The following ALG9 variants were observed in gnomAD, a reference collection of about 807,000 sequenced individuals.
The protein encoded by ALG9 is ALG9 alpha-1,2-mannosyltransferase.
A neutral mutation model predicts 81.8 loss-of-function variants in ALG9; 55 were observed. That is an observed-to-expected ratio of 0.67 (90% CI 0.54 to 0.84). ALG9 has a LOEUF of 0.84. ALG9 is among the 40% of genes least tolerant of loss of function. The pLI, the probability that ALG9 is intolerant of heterozygous loss-of-function variation, is 0.00. For missense variants in ALG9, 629 were observed against 745.0 expected (o/e 0.84, Z 1.81); for synonymous variants, 278 against 274.3 (o/e 1.01, Z -0.13).
At chr11:111,773,829 G>A in the ALG9 span, among the ~76,000 whole-genome samples, 4 of 147,244 alleles carry the variant, frequency 2.7e-5, no homozygotes, top group Non-Finnish European at 5.9e-5. Flanking sequence ...ATCACGGCTC[G>A]CTGCAGCCTC....
At chr11:111,863,848 T>C (rs1961273307) in intron 4 of ALG9, among the ~76,000 whole-genome samples, 1 of 152,218 alleles carries the variant, frequency 6.6e-6, no homozygotes, top group South Asian at 2.1e-4. Flanking sequence ...TCCTGTATCT[T>C]AGGACCGAAA....
At chr11:111,824,555 T>TA (rs556909311) in intron 13 of ALG9, among the ~76,000 whole-genome samples, 24 of 152,222 alleles carry the variant, frequency 1.6e-4, no homozygotes, top group Non-Finnish European at 3.2e-4. Context: ...ATAAAGCCAT[T>TA]ATACCAAAGC....
At chr11:111,798,165 T>C (rs535465578) in intron 14 of ALG9, 84 of 282,006 alleles carry the variant, frequency 3.0e-4, no homozygotes, top group South Asian at 2.5e-3. Context: ...ATTGTGTCAC[T>C]GCACTCTAGC....
At chr11:111,834,842 C>T (rs554523052) in intron 13 of ALG9, among the ~76,000 whole-genome samples, 1 of 152,274 alleles carries the variant, frequency 6.6e-6, no homozygotes, top group South Asian at 2.1e-4. Flanking sequence ...GTCTACCCTG[C>T]CCAAGGGTAT....
the ALG9 span, chr11:111,771,374 G>GTC: frequency 6.6e-6 from 1 of 152,470 alleles, no homozygotes; most frequent in Non-Finnish European, 1.5e-5. Context: ...AGATGTTGTG[G>GTC]TGAGCCGAGA....
chr11:111,838,259 T>C lies in ALG9; in HGVS notation c.1314A>G (p.Ala438=), dbSNP rs201611208. Residue 438 remains alanine (A), a synonymous_variant, in exon 11 of 15, where the codon GCA becomes GCG. Transcript: ENST00000616540. ...TCTTAGAAGATCTACCTCTGAACAG[T>C]GCCACAGAGCGAGAAAATGACAAGA... is the stretch of plus-strand genomic sequence containing the variant. ...FGLLSFSRSV[A]LFRGYHGPLD... is the part of the protein sequence containing the mutation. The C allele has an allele frequency of 1.8e-4, 298 of 1,614,052 alleles. No homozygotes were observed. The highest frequency in any genetic ancestry group is 2.3e-4 in the Non-Finnish European group (271 of 1,180,022).
chr11:111,869,171 T>A (rs1441181661), intron 2 of ALG9, among the ~76,000 whole-genome samples: 6 of 152,228 alleles, frequency 3.9e-5, no homozygotes, highest in African/African-American at 1.2e-4. Context: ...ATTATAAATT[T>A]TACAAGATTG....
At chr11:111,863,187 T>C (rs1960957601) in intron 4 of ALG9, among the ~76,000 whole-genome samples, 1 of 151,886 alleles carries the variant, frequency 6.6e-6, no homozygotes, top group Non-Finnish European at 1.5e-5. Context: ...TGAAACCCCA[T>C]CTCTACTAAA....
intron 12 of ALG9, among the ~76,000 whole-genome samples, chr11:111,836,949 A>T (rs1555118150): frequency 6.6e-6 from 1 of 152,206 alleles, no homozygotes; most frequent in Non-Finnish European, 1.5e-5. Flanking sequence ...GGCCAAATGA[A>T]GCAAACTACA....
At chr11:111,860,505 C>T in intron 5 of ALG9, 42 bp downstream of exon 5, 1 of 1,543,256 alleles carries the variant, frequency 6.5e-7, no homozygotes. Flanking sequence ...TTTTACTTAC[C>T]TGGTGATGAC....
chr11:111,866,421 T>C (rs1358209361), intron 3 of ALG9, among the ~76,000 whole-genome samples: 4 of 152,072 alleles, frequency 2.6e-5, no homozygotes, highest in African/African-American at 9.7e-5. Flanking sequence ...TAGCAAGAGA[T>C]TGAGAAGGTA....
At chr11:111,819,718 T>A (rs934246798) in intron 13 of ALG9, among the ~76,000 whole-genome samples, 10 of 152,218 alleles carry the variant, frequency 6.6e-5, no homozygotes, top group Non-Finnish European at 1.3e-4. Flanking sequence ...ATTCATCACA[T>A]CTCCTCAAAT....
the ALG9 span, among the ~76,000 whole-genome samples, chr11:111,776,636 C>A: frequency 6.6e-6 from 1 of 152,020 alleles, no homozygotes; most frequent in Non-Finnish European, 1.5e-5. Flanking sequence ...AAACAAAATA[C>A]CCTCCTAAAC....
In ALG9 at chr11:111,838,168, G is replaced by A. The variant is rs1181202136; in HGVS notation, c.1324+81C>T. Reference sequence around the variant, plus strand: ...TGGCTTCTTAGTATAAGCCAAATATGTATTATATAATCATGAATCAAGTAA... The same window carrying A: ...TGGCTTCTTAGTATAAGCCAAATATATATTATATAATCATGAATCAAGTAA... On this transcript the variant is annotated intron_variant, in intron 11 of 14. Transcript: ENST00000616540. The A allele has an allele frequency of 1.9e-6, 3 of 1,552,082 alleles. No individual in the cohort carries two copies. The African/African-American group carries it at 4.1e-5, about 21-fold the overall frequency.
At chr11:111,777,497 G>A (rs1945734734), downstream of ALG9, among the ~76,000 whole-genome samples, 1 of 152,176 alleles carries the variant, frequency 6.6e-6, no homozygotes. Flanking sequence ...GAAGACTTAT[G>A]ACAGCATGGC....
intron 14 of ALG9, among the ~76,000 whole-genome samples, chr11:111,802,611 A>C (rs1555081420): frequency 6.6e-6 from 1 of 152,236 alleles, no homozygotes; most frequent in African/African-American, 2.4e-5. Context: ...CATTAGTAAT[A>C]ATCATTTAAT....
intron 14 of ALG9, among the ~76,000 whole-genome samples, chr11:111,792,711 A>G (rs148181142): frequency 2.4e-4 from 37 of 152,366 alleles, no homozygotes; most frequent in Middle Eastern, 3.4e-3. Flanking sequence ...TTTCTAGTTA[A>G]GACAGAACAC....
chr11:111,855,171 G>A (rs573108906), intron 6 of ALG9, among the ~76,000 whole-genome samples: 1 of 152,158 alleles, frequency 6.6e-6, no homozygotes, highest in African/African-American at 2.4e-5. Context: ...ATATTTTAGG[G>A]TCTGCAGGCC....
At chr11:111,768,148 G>C in the ALG9 span, among the ~76,000 whole-genome samples, 10 of 152,252 alleles carry the variant, frequency 6.6e-5, no homozygotes, top group Admixed American at 6.5e-4. Context: ...TGCACTATTT[G>C]GTAGTTGTAA....
Sources: gnomAD v4.1 joint callset for allele counts (sites outside exome capture counted in the v4.1 genomes callset) on GRCh38, gnomAD v4.1.1 for gene constraint, MANE v1.5 for transcripts, NCBI Gene and HGNC (gene_info 2026-07-23, HGNC 2026-07-21) for gene names.